Variants in CFAP77 observed in about 807,000 individuals in gnomAD.
CFAP77 encodes cilia- and flagella-associated protein 77.
Under a neutral mutation model 31.1 loss-of-function variants are expected in CFAP77, and 25 were observed. The ratio of observed to expected loss-of-function variants is 0.80; its 90% CI spans 0.59 to 1.12. The LOEUF is 1.12. Among genes scored for constraint, CFAP77 ranks in the 50% most tolerant of loss-of-function variants. The pLI, the probability that CFAP77 is intolerant of heterozygous loss-of-function variation, is 0.00. For missense variants in CFAP77, 377 were observed against 397.3 expected (o/e 0.95, Z 0.44); for synonymous variants, 151 against 159.9 (o/e 0.94, Z 0.42).
At chr9:132,422,834 C>T (rs1850244140) in intron 1 of CFAP77, among the ~76,000 whole-genome samples, 1 of 152,224 alleles carries the variant, frequency 6.6e-6, no homozygotes, top group African/African-American at 2.4e-5. Flanking sequence ...CTCCCAGTGG[C>T]AGCGTGCTGC....
intron 3 of CFAP77, among the ~76,000 whole-genome samples, 168 bp from the exon 4 acceptor site, chr9:132,537,433 G>A (rs1008985954): frequency 3.9e-5 from 6 of 152,174 alleles, no homozygotes; most frequent in Non-Finnish European, 7.3e-5. Context: ...CCTATGTGAG[G>A]GACCTGTTTC....
chr9:132,519,931 G>A (rs889574074), intron 3 of CFAP77, among the ~76,000 whole-genome samples: 8 of 151,842 alleles, frequency 5.3e-5, no homozygotes, highest in Admixed American at 2.6e-4. Context: ...TGGATGGATG[G>A]ATGAACGGGT....
chr9:132,428,342 C>T (rs1057069266), intron 1 of CFAP77, among the ~76,000 whole-genome samples: 2 of 151,500 alleles, frequency 1.3e-5, no homozygotes, highest in Admixed American at 6.6e-5. Context: ...TGCAAGGAGC[C>T]GGGCACAGTG....
intron 1 of CFAP77, among the ~76,000 whole-genome samples, chr9:132,466,090 G>C (rs1353548631): frequency 6.6e-6 from 1 of 152,152 alleles, no homozygotes; most frequent in East Asian, 1.9e-4. Flanking sequence ...ATGCAGACAT[G>C]AGCACTTTTT....
chr9:132,510,701 A>G (rs1852021669), intron 3 of CFAP77, among the ~76,000 whole-genome samples: 1 of 152,206 alleles, frequency 6.6e-6, no homozygotes, highest in East Asian at 1.9e-4. Flanking sequence ...GTGGAGGAAC[A>G]GTGAGCTCAC....
intron 3 of CFAP77, among the ~76,000 whole-genome samples, chr9:132,520,758 G>A (rs535808876): frequency 1.1e-3 from 161 of 152,248 alleles, no homozygotes; most frequent in African/African-American, 3.8e-3. Flanking sequence ...CCTCAGGTCC[G>A]GTGTGGACCT....
intron 3 of CFAP77, among the ~76,000 whole-genome samples, chr9:132,534,221 G>A (rs1419884388): frequency 6.6e-6 from 1 of 152,180 alleles, no homozygotes; most frequent in East Asian, 1.9e-4. Flanking sequence ...ACAGATGAAT[G>A]TTCCCTAGAT....
At chr9:132,457,143 C>G (rs1436822210) in intron 1 of CFAP77, among the ~76,000 whole-genome samples, 2 of 152,100 alleles carry the variant, frequency 1.3e-5, no homozygotes, top group Admixed American at 6.5e-5. Flanking sequence ...CGGTCACCCC[C>G]ACCCCTGAAG....
chr9:132,502,283 A>T (rs200832846), intron 3 of CFAP77, among the ~76,000 whole-genome samples: 12 of 95,536 alleles, frequency 1.3e-4, no homozygotes, highest in African/African-American at 2.3e-4. Context: ...TTTTTGGGGG[A>T]GGGGGGTGGT....
rs1331018846 is a variant in CFAP77 at position 132,539,881 on chromosome 9, T to C, written c.630+2175T>C. On this transcript the variant is annotated intron_variant, in intron 4 of 5. Coordinates refer to ENST00000393216, the MANE Select transcript of CFAP77 (RefSeq NM_001282957.2). This position sits in a 1 kb window ranked among gnomAD's most constrained non-coding sequence, Gnocchi z 4.3. Reference sequence around the variant, plus strand: ...AGCATTACCAGCACAAACTGCTTTCTAGCCCCGCATTAGAGCTGGGAGTTT... The same window carrying C: ...AGCATTACCAGCACAAACTGCTTTCCAGCCCCGCATTAGAGCTGGGAGTTT... Among the ~76,000 whole-genome samples, 2 of 152,242 alleles carry C rather than the reference T, an allele frequency of 1.3e-5. No homozygotes were observed. Among genetic ancestry groups the C allele is most frequent in the Non-Finnish European group, 2.9e-5 (2 of 68,042 alleles).
chr9:132,537,792 C>T (rs1392070704), intron 4 of CFAP77, 86 bp downstream of exon 4: 12 of 972,752 alleles, frequency 1.2e-5, no homozygotes, highest in South Asian at 1.0e-4. Context: ...CGAGATGACA[C>T]TTGTGTATGT....
At chr9:132,488,706 G>A (rs1354214935) in intron 1 of CFAP77, among the ~76,000 whole-genome samples, 1 of 152,216 alleles carries the variant, frequency 6.6e-6, no homozygotes, top group Non-Finnish European at 1.5e-5. Flanking sequence ...CATGGCGACA[G>A]GCTGCTCCCA....
intron 1 of CFAP77, among the ~76,000 whole-genome samples, chr9:132,458,357 G>GGGGGGGGAGTGT (rs139008147): frequency 8.4e-6 from 1 of 119,042 alleles, no homozygotes; most frequent in African/African-American, 3.2e-5. Context: ...GAGGGGGGGG[G>GGGGGGGGAGTGT]GTGTGTATGG....
At chr9:132,443,876 G>A (rs1026937641) in intron 1 of CFAP77, among the ~76,000 whole-genome samples, 9 of 152,220 alleles carry the variant, frequency 5.9e-5, no homozygotes, top group African/African-American at 1.7e-4. Context: ...TGCAAAGCAT[G>A]CATTTTGCAC....
intron 1 of CFAP77, among the ~76,000 whole-genome samples, chr9:132,414,683 A>T (rs1850067054): frequency 6.6e-6 from 1 of 152,160 alleles, no homozygotes; most frequent in Non-Finnish European, 1.5e-5. Flanking sequence ...AGACCTTGAA[A>T]AGTGAAAAAG....
chr9:132,493,863 TCTTTTCTTTTCTTTC>T (rs1185761050), intron 1 of CFAP77, among the ~76,000 whole-genome samples: 4 of 145,944 alleles, frequency 2.7e-5, no homozygotes, highest in East Asian at 1.9e-4. Context: ...TTTTCTTTTC[TCTTTTCTTTTCTTTC>T]CTTTTCTTTT....
At chr9:132,445,295 C>G (rs1388163623) in intron 1 of CFAP77, among the ~76,000 whole-genome samples, 2 of 152,128 alleles carry the variant, frequency 1.3e-5, no homozygotes, top group Non-Finnish European at 1.5e-5. Context: ...TTTTCTGTCT[C>G]TATGAATCTG....
rs1018885390 is a variant in CFAP77 at position 132,420,693 on chromosome 9, A to G, written c.195+10227A>G. Among the ~76,000 whole-genome samples, 8 of 152,042 alleles carry G rather than the reference A, an allele frequency of 5.3e-5. No individual in the cohort carries two copies. In the East Asian group the frequency reaches 5.8e-4, roughly 11 times the overall value. On this transcript the variant is annotated intron_variant, in intron 1 of 5. Coordinates refer to ENST00000393216, the MANE Select transcript of CFAP77 (RefSeq NM_001282957.2). ...AAAAAAAAAAAAAGAAGAACAGAAC[A>G]ATAACTCTATGATTCTATGCATTCA...
At chr9:132,435,032 T>C (rs1850479851) in intron 1 of CFAP77, among the ~76,000 whole-genome samples, 1 of 152,212 alleles carries the variant, frequency 6.6e-6, no homozygotes, top group South Asian at 2.1e-4. Context: ...GAAAGACCAT[T>C]GTTCAAAGAC....
Sources: gnomAD v4.1 joint callset for allele counts (sites outside exome capture counted in the v4.1 genomes callset) on GRCh38, gnomAD v4.1.1 for gene constraint, Gnocchi (gnomAD v3.1) non-coding constraint, MANE v1.5 for transcripts, NCBI Gene and HGNC (gene_info 2026-07-23, HGNC 2026-07-21) for gene names.